Variants in FOLH1 observed in about 807,000 individuals in gnomAD.
FOLH1 encodes the protein folate hydrolase 1.
FOLH1 carries 54 observed loss-of-function variants against 93.9 expected under a neutral mutation model. That is an observed-to-expected ratio of 0.57 (90% confidence interval 0.46 to 0.72). FOLH1 has a LOEUF of 0.72. Ranked by LOEUF, FOLH1 falls within the 30% of genes least tolerant of loss-of-function variation. FOLH1 has a pLI of 0.00. For missense variants in FOLH1, 571 were observed against 892.5 expected (o/e 0.64, Z 4.59); for synonymous variants, 249 against 303.6 (o/e 0.82, Z 1.87).
chr11:49,183,660 C>T (rs1406634562), intron 6 of FOLH1, among the ~76,000 whole-genome samples: 1 of 151,976 alleles, frequency 6.6e-6, no homozygotes. Context: ...GTAGTATAAT[C>T]CCACAATGGA....
intron 17 of FOLH1, among the ~76,000 whole-genome samples, chr11:49,151,844 T>C (rs1342000622): frequency 1.3e-5 from 2 of 152,136 alleles, no homozygotes; most frequent in Non-Finnish European, 2.9e-5. Flanking sequence ...TTTTATAGGA[T>C]ACATGGTGTT....
chr11:49,208,213 C>T (rs1347422788), intron 1 of FOLH1, 79 bp downstream of exon 1: 2 of 1,062,830 alleles, frequency 1.9e-6, no homozygotes, highest in Non-Finnish European at 2.7e-6. Flanking sequence ...GGATCCCACT[C>T]GGCAGCTGAC....
intron 1 of FOLH1, 149 bp downstream of exon 1, chr11:49,208,143 G>C: frequency 1.6e-6 from 1 of 634,620 alleles, no homozygotes; most frequent in Non-Finnish European, 2.8e-6. Context: ...CCTAACTCGA[G>C]GGGTGCTCAC....
chr11:49,185,100 C>G (rs1861215364), intron 6 of FOLH1, among the ~76,000 whole-genome samples: 1 of 152,126 alleles, frequency 6.6e-6, no homozygotes, highest in Non-Finnish European at 1.5e-5. Flanking sequence ...AGAAATGAAG[C>G]AATATGCATT....
Position 49,145,255 on chromosome 11 carries a change from T to C in FOLH1, c.*1501A>G, listed in dbSNP as rs997621743. On this transcript the variant is annotated 3_prime_UTR_variant, in exon 19 of 19. Coordinates refer to ENST00000256999, the MANE Select transcript of FOLH1 (RefSeq NM_004476.3). ...GTTAAACTTTGTGAGTAGAAGGCATTGGAGAGATGTTCCAAGAGGGTGCTT... is the reference window on the plus strand; with the variant it reads ...GTTAAACTTTGTGAGTAGAAGGCATCGGAGAGATGTTCCAAGAGGGTGCTT... Among the ~76,000 whole-genome samples the C allele has an allele frequency of 4.6e-5, 7 of 152,246 alleles. No homozygotes were observed. The highest frequency in any genetic ancestry group is 1.7e-4 in the African/African-American group (7 of 41,568).
At chr11:49,184,424 C>G (rs926081059) in intron 6 of FOLH1, among the ~76,000 whole-genome samples, 3 of 152,200 alleles carry the variant, frequency 2.0e-5, no homozygotes, top group Middle Eastern at 3.4e-3. Flanking sequence ...AGAAAATCAA[C>G]AGAAACATTC....
intron 14 of FOLH1, 90 bp downstream of exon 14, chr11:49,157,862 A>G: frequency 4.7e-6 from 6 of 1,285,094 alleles, no homozygotes; most frequent in Non-Finnish European, 6.4e-6. Context: ...TTGAAACTTA[A>G]TTTTTCACTT....
In FOLH1 at chr11:49,192,865, A is replaced by T. The variant is rs752256226; in HGVS notation, c.441T>A (p.Pro147=). Residue 147 remains proline (P), a synonymous_variant, in exon 4 of 19, where the codon CCT becomes CCA. Transcript: ENST00000256999. The part of the protein sequence containing the change: ...EIFNTSLFEP[P]PPGYENVSDI... ...CCGAAACATTTTCATATCCTGGAGG[A>T]GGTGGTTCAAATAATGATGTGTTGA... 2.5e-6 allele frequency: 4 copies of T among 1,600,520 alleles called. No homozygotes were observed. The highest frequency in any genetic ancestry group is 2.3e-5 in the East Asian group (1 of 44,348).
intron 15 of FOLH1, among the ~76,000 whole-genome samples, chr11:49,156,392 C>G (rs990577491): frequency 6.6e-6 from 1 of 152,078 alleles, no homozygotes; most frequent in Non-Finnish European, 1.5e-5. Flanking sequence ...AGGGTGAAAT[C>G]AAAGACAATT....
chr11:49,159,864 G>A (rs992186552), intron 13 of FOLH1, among the ~76,000 whole-genome samples: 3 of 150,814 alleles, frequency 2.0e-5, no homozygotes, highest in African/African-American at 4.9e-5. Flanking sequence ...TTCAGAAGGT[G>A]TATGTTTCCA....
At chr11:49,202,356 T>C (rs1164034767) in intron 2 of FOLH1, among the ~76,000 whole-genome samples, 3 of 152,196 alleles carry the variant, frequency 2.0e-5, no homozygotes, top group Non-Finnish European at 2.9e-5. Flanking sequence ...TCTGTTTATA[T>C]ATCACTGTAG....
chr11:49,157,626 T>C (rs998789503), intron 14 of FOLH1, among the ~76,000 whole-genome samples: 3 of 151,830 alleles, frequency 2.0e-5, no homozygotes, highest in Non-Finnish European at 4.4e-5. Context: ...AATGCAAATA[T>C]TCCAAAATCT....
At chr11:49,204,521 A>G (rs988327533) in intron 2 of FOLH1, among the ~76,000 whole-genome samples, 2 of 152,046 alleles carry the variant, frequency 1.3e-5, no homozygotes, top group African/African-American at 4.8e-5. Flanking sequence ...ACCTTGCCAG[A>G]CCTCCACTTT....
chr11:49,207,945 AAAC>A (rs763778837), intron 1 of FOLH1: 4 of 514,022 alleles, frequency 7.8e-6, no homozygotes, highest in East Asian at 4.8e-5. Flanking sequence ...AAAAACAAAC[AAAC>A]AAACAAAACA....
Position 49,177,785 on chromosome 11 carries a change from T to TAAAA in FOLH1, c.921-1832_921-1829dup, listed in dbSNP as rs747990555. Among the ~76,000 whole-genome samples the TAAAA allele has an allele frequency of 4.8e-3, 495 of 104,048 alleles. 5 individuals carry two copies. The highest frequency in any genetic ancestry group is 0.02 in the African/African-American group (473 of 23,792). 68.3% of individuals were successfully genotyped at this position (104,048 alleles called of 152,430 possible). A position where few individuals can be genotyped will look rare whatever the true frequency, so the allele number is the denominator to read the frequency against. Reference sequence around the variant, plus strand: ...CAACATGGAGAAACCCCGTCTCTACTAAAAAAAAAAAAAAAAAAAGGCAAA... The same window carrying TAAAA: ...CAACATGGAGAAACCCCGTCTCTACTAAAAAAAAAAAAAAAAAAAAAAAGGCAAA... On this transcript the variant is annotated intron_variant, in intron 7 of 18. Transcript: ENST00000256999.
intron 11 of FOLH1, 147 bp from the exon 12 acceptor site, chr11:49,169,405 G>C: frequency 1.6e-6 from 1 of 625,940 alleles, no homozygotes. Context: ...TCTCATAAAA[G>C]AGCTGCTTTG....
intron 7 of FOLH1, among the ~76,000 whole-genome samples, chr11:49,179,533 CA>C (rs1860485381): frequency 6.6e-6 from 1 of 151,982 alleles, no homozygotes; most frequent in African/African-American, 2.4e-5. Context: ...CTTGCAAATA[CA>C]ATTTAAAAAT....
Position 49,169,330 on chromosome 11 carries a change from C to T in FOLH1, c.1309-72G>A, listed in dbSNP as rs1858904073. On this transcript the variant is annotated intron_variant, in intron 11 of 18. Coordinates refer to ENST00000256999, the MANE Select transcript of FOLH1 (RefSeq NM_004476.3). ...CCCTCCCCCACAAAATGCACATCTA[C>T]ATTTAATGTATGTAGATTTCTAATT... is the stretch of plus-strand genomic sequence containing the variant. 3.5e-6 allele frequency: 5 copies of T among 1,411,566 alleles called. No homozygotes were observed. In the South Asian group the frequency reaches 3.7e-5, roughly 10 times the overall value. 87.4% of individuals were successfully genotyped at this position (1,411,566 alleles called of 1,614,324 possible).
rs747052707 is a variant in FOLH1, at chr11:49,192,822, T to C, written c.484A>G (p.Ser162Gly). 19 of 1,608,300 alleles carry C rather than the reference T, an allele frequency of 1.2e-5. No individual in the cohort carries two copies. In the South Asian group the frequency reaches 2.1e-4, roughly 18 times the overall value. ...ENVSDIVPPF[S>G]AFSPQGMPEG... is the part of the protein sequence containing the mutation. ...GGCATTCCTTGAGGAGAGAAAGCAC[T>C]GAAAGGTGGTACAATATCCGAAACA... The change falls in exon 4 of 19, where the codon AGT (serine) becomes GGT (glycine). Residue 162 changes from serine to glycine, a missense_variant. By Grantham distance (56) the Ser-to-Gly change is moderately conservative. Transcript: ENST00000256999.
Sources: allele counts gnomAD v4.1 joint callset (sites outside exome capture counted in the v4.1 genomes callset), GRCh38; gene constraint gnomAD v4.1.1; transcripts MANE v1.5; gene names NCBI Gene and HGNC (gene_info 2026-07-23, HGNC 2026-07-21).